The following HECTD4 variants were observed in gnomAD, a reference collection of about 807,000 sequenced individuals.
HECTD4 encodes the protein HECT domain E3 ubiquitin protein ligase 4, also known as probable E3 ubiquitin-protein ligase HECTD4.
Under a neutral mutation model 471.5 loss-of-function variants are expected in HECTD4, and 114 were observed. The ratio of observed to expected loss-of-function variants is 0.24; its 90% CI spans 0.21 to 0.28. The LOEUF (loss-of-function observed/expected upper bound fraction) is 0.28, where lower values mean the gene tolerates loss of function less well. Among genes scored for constraint, HECTD4 ranks in the 10% least tolerant of loss-of-function variants. The pLI, the probability that HECTD4 is intolerant of heterozygous loss-of-function variation, is 1.00. For synonymous variants in HECTD4, 2,012 were observed against 2,256.0 expected (o/e 0.89, Z 3.07); for missense variants, 3,866 against 5,651.5 (o/e 0.68, Z 10.13).
In HECTD4 at chr12:112,269,763, C is replaced by T. The variant is rs2034374760; in HGVS notation, c.2262G>A (p.Leu754=). 1.2e-6 allele frequency: 2 copies of T among 1,613,868 alleles called. No individual in the cohort carries two copies. Among genetic ancestry groups the T allele is most frequent in the African/African-American group, 2.7e-5 (2 of 74,942 alleles). Residue 754 remains leucine (L), a synonymous_variant, in exon 13 of 76, where the codon TTG becomes TTA. Coordinates refer to ENST00000682272, the MANE Select transcript of HECTD4 (RefSeq NM_001388303.1). ...GGCAAATTTGATCTTTTGGAGCCATCAACAACTGCCAAAGAAGCAATCCCG... is the reference window on the plus strand; with the variant it reads ...GGCAAATTTGATCTTTTGGAGCCATTAACAACTGCCAAAGAAGCAATCCCG... The part of the protein sequence containing the change: ...RRSGLLLWQL[L]MAPKDQICPE...
At chr12:112,270,736 G>A (rs11610922) in intron 11 of HECTD4, among the ~76,000 whole-genome samples, 6,232 of 152,242 alleles carry the variant, frequency 0.041, 176 homozygotes, top group Non-Finnish European at 0.06. Context: ...TCTCAACTTA[G>A]ACTATTTTAG....
In HECTD4 at chr12:112,161,257, T is replaced by TGCACTGGG. The variant is rs3215349; in HGVS notation, c.*1129_*1130insCCCAGTGC. 68,602 of 151,728 alleles carry TGCACTGGG rather than the reference T, an allele frequency of 0.45. 19,797 individuals are homozygous for TGCACTGGG. The highest frequency in any genetic ancestry group is 0.9 in the East Asian group (4,573 of 5,070). 9.4% of individuals were successfully genotyped at this position (151,728 alleles called of 1,614,324 possible). A position where few individuals can be genotyped will look rare whatever the true frequency, so the allele number is the denominator to read the frequency against. On this transcript the variant is annotated 3_prime_UTR_variant, in exon 76 of 76. Coordinates refer to ENST00000682272, the MANE Select transcript of HECTD4 (RefSeq NM_001388303.1). ...GACAAAGACCTATTTGGGGCAAAGATGCAGTGGGTGAGCCTGGAGGCAGCT... is the reference window on the plus strand; with the variant it reads ...GACAAAGACCTATTTGGGGCAAAGATGCACTGGGGCAGTGGGTGAGCCTGGAGGCAGCT...
chr12:112,198,306 A>T (rs1015254159), intron 55 of HECTD4, among the ~76,000 whole-genome samples: 1 of 152,226 alleles, frequency 6.6e-6, no homozygotes, highest in Non-Finnish European at 1.5e-5. Context: ...TGAATTACAG[A>T]ACGAGACAGC....
intron 39 of HECTD4, 102 bp from the exon 40 acceptor site, chr12:112,230,924 T>C: frequency 9.0e-7 from 1 of 1,115,060 alleles, no homozygotes; most frequent in South Asian, 1.7e-5. Flanking sequence ...TTTCTTTTTA[T>C]ACAAGAAAAA....
At position 112,179,680 on chromosome 12, in the gene HECTD4, G is replaced by C. The variant is rs1051572312; in HGVS notation, c.10988-283C>G. On this transcript the variant is annotated intron_variant, in intron 62 of 75. Coordinates refer to ENST00000682272, the MANE Select transcript of HECTD4 (RefSeq NM_001388303.1). This position sits in a 1 kb window ranked among gnomAD's most constrained non-coding sequence, Gnocchi z 4.3. The stretch of plus-strand genomic sequence containing the variant: ...GCACTTGGCCCCTACCTGGTTGCTC[G>C]GGGACGACAGGCCCCTCCCCGAGGG... Among the ~76,000 whole-genome samples the C allele has an allele frequency of 6.6e-6, 1 of 152,180 alleles. No individual in the cohort carries two copies. Among genetic ancestry groups the C allele is most frequent in the Non-Finnish European group, 1.5e-5 (1 of 68,026 alleles).
chr12:112,337,003 C>G (rs538972252), intron 1 of HECTD4, among the ~76,000 whole-genome samples: 1 of 152,154 alleles, frequency 6.6e-6, no homozygotes, highest in Admixed American at 6.5e-5. Context: ...AAATGACACA[C>G]AAGAATTTTT....
intron 72 of HECTD4, among the ~76,000 whole-genome samples, chr12:112,165,056 G>T (rs1309963304): frequency 6.6e-6 from 1 of 151,200 alleles, no homozygotes; most frequent in African/African-American, 2.4e-5. Context: ...GAGTAGCTGG[G>T]ATTACAGGCA....
chr12:112,336,960 A>G (rs2035969271), intron 1 of HECTD4, among the ~76,000 whole-genome samples: 1 of 152,226 alleles, frequency 6.6e-6, no homozygotes, highest in Non-Finnish European at 1.5e-5. Flanking sequence ...TCAAGAAGAA[A>G]CTGATAGCCT....
intron 32 of HECTD4, 25 bp from the exon 33 acceptor site, chr12:112,240,052 G>C (rs2033602896): frequency 6.2e-7 from 1 of 1,612,310 alleles, no homozygotes; most frequent in Non-Finnish European, 8.5e-7. Flanking sequence ...CCAAAGCTCA[G>C]GCTTCCTGAA....
chr12:112,333,196 T>C (rs1020671468), intron 1 of HECTD4, among the ~76,000 whole-genome samples: 46 of 152,162 alleles, frequency 3.0e-4, no homozygotes, highest in Non-Finnish European at 1.8e-4. Context: ...CATGTTTCCA[T>C]CCCCCTTGTG....
At chr12:112,220,626 A>G (rs2033060906) in intron 44 of HECTD4, among the ~76,000 whole-genome samples, 1 of 151,778 alleles carries the variant, frequency 6.6e-6, no homozygotes, top group South Asian at 2.1e-4. Flanking sequence ...GCAAACCACC[A>G]TGTCTACAAA....
chr12:112,276,367 T>C (rs1427824734), intron 9 of HECTD4, among the ~76,000 whole-genome samples: 1 of 152,066 alleles, frequency 6.6e-6, no homozygotes, highest in African/African-American at 2.4e-5. Flanking sequence ...ATGGTCATAA[T>C]ATGTGGTAAT....
Position 112,382,426 on chromosome 12 carries a change from G to A in HECTD4, c.-298C>T, listed in dbSNP as rs1017013816. The A allele has an allele frequency of 2.6e-5, 7 of 267,218 alleles. 1 individual carries two copies. The highest frequency in any genetic ancestry group is 4.8e-5 in the Non-Finnish European group (7 of 146,208). The allele number at this position is 267,218 out of a possible 1,614,324, so 16.6% of individuals were successfully genotyped here. ...GTCAGTGAGACGCCATGTTGGGGGCGGGGCTCCCGGCATGCCTCGCGGAGC... is the reference window on the plus strand; with the variant it reads ...GTCAGTGAGACGCCATGTTGGGGGCAGGGCTCCCGGCATGCCTCGCGGAGC... On this transcript the variant is annotated 5_prime_UTR_variant, in exon 1 of 76. Coordinates refer to ENST00000682272, the MANE Select transcript of HECTD4 (RefSeq NM_001388303.1).
chr12:112,255,894 C>T (rs2033997524), intron 21 of HECTD4, among the ~76,000 whole-genome samples: 2 of 152,116 alleles, frequency 1.3e-5, no homozygotes, highest in Admixed American at 1.3e-4. Flanking sequence ...ACCTCTGAAA[C>T]CCTTCTAAAA....
chr12:112,241,704 C>T (rs1293989157), intron 32 of HECTD4, among the ~76,000 whole-genome samples: 1 of 152,192 alleles, frequency 6.6e-6, no homozygotes, highest in East Asian at 1.9e-4. Flanking sequence ...AAGTGATCCT[C>T]CTGCTTTGGC....
intron 21 of HECTD4, among the ~76,000 whole-genome samples, chr12:112,255,640 A>G (rs2033990666): frequency 6.6e-6 from 1 of 152,212 alleles, no homozygotes; most frequent in African/African-American, 2.4e-5. Context: ...AAGAAGCTAC[A>G]TAAAAATAGT....
intron 29 of HECTD4, among the ~76,000 whole-genome samples, chr12:112,246,360 G>A (rs1210038237): frequency 1.3e-5 from 2 of 151,962 alleles, no homozygotes; most frequent in African/African-American, 4.8e-5. Context: ...AAAAACGGGC[G>A]CAGTGGCTCA....
chr12:112,167,785 C>T (rs374798892), intron 71 of HECTD4, 29 bp downstream of exon 71: 55 of 1,576,890 alleles, frequency 3.5e-5, no homozygotes, highest in Non-Finnish European at 4.2e-5. Flanking sequence ...AGCTCGGGGG[C>T]GTGGAGCCTC....
chr12:112,187,827 T>C (rs183875107), intron 60 of HECTD4, among the ~76,000 whole-genome samples: 1,876 of 150,986 alleles, frequency 0.012, 43 homozygotes, highest in African/African-American at 0.043. Context: ...ACGGTTTCAC[T>C]GTGTTAGCCA....
Sources: gnomAD v4.1 joint callset for allele counts (sites outside exome capture counted in the v4.1 genomes callset) on GRCh38, gnomAD v4.1.1 for gene constraint, Gnocchi (gnomAD v3.1) non-coding constraint, MANE v1.5 for transcripts, NCBI Gene and HGNC (gene_info 2026-07-23, HGNC 2026-07-21) for gene names.